The following MAX variants were observed in gnomAD, a reference collection of about 807,000 sequenced individuals.
The protein encoded by MAX is MYC associated transcriptional regulator X, also known as protein max.
In MAX, 3 loss-of-function variants were observed where a neutral mutation model predicts 22.3. That is an observed-to-expected ratio of 0.13 (90% CI 0.06 to 0.35). The LOEUF (loss-of-function observed/expected upper bound fraction) is 0.35. Among genes scored for constraint, MAX ranks in the 10% least tolerant of loss-of-function variants. The probability of loss-of-function intolerance (pLI) is 1.00; values close to 1 mark genes in which losing one functional copy is unlikely to be tolerated. For missense variants in MAX, 119 were observed against 209.4 expected (o/e 0.57, Z 2.66); for synonymous variants, 72 against 77.7 (o/e 0.93, Z 0.39).
At chr14:65,057,291 T>C (rs1291308647) in intron 3 of MAX, among the ~76,000 whole-genome samples, 2 of 152,192 alleles carry the variant, frequency 1.3e-5, no homozygotes, top group East Asian at 3.9e-4. Flanking sequence ...AGGCCAGATA[T>C]GGTGGTTCGC....
At chr14:65,019,133 A>G (rs540999465) in intron 3 of MAX, among the ~76,000 whole-genome samples, 1 of 152,238 alleles carries the variant, frequency 6.6e-6, no homozygotes, top group African/African-American at 2.4e-5. Context: ...AGATTGCACC[A>G]CTGCACTCCA....
chr14:65,048,527 A>T (rs2139659105), intron 3 of MAX, among the ~76,000 whole-genome samples: 1 of 152,310 alleles, frequency 6.6e-6, no homozygotes. Context: ...TGTGTAAATG[A>T]CAGTATTTGA....
At chr14:65,102,586 G>C, upstream of MAX, 1 of 1,420,844 alleles carries the variant, frequency 7.0e-7, no homozygotes, top group Non-Finnish European at 9.2e-7. Flanking sequence ...TCGCAGCGCT[G>C]GGGCAGCCGA....
chr14:65,043,691 G>A (rs564294146), intron 3 of MAX, among the ~76,000 whole-genome samples: 170 of 151,216 alleles, frequency 1.1e-3, no homozygotes, highest in African/African-American at 3.9e-3. Context: ...GCGCGGTGGC[G>A]GGCGCCTGTG....
chr14:65,096,492 C>T (rs1310028713), intron 2 of MAX, among the ~76,000 whole-genome samples: 6 of 152,140 alleles, frequency 3.9e-5, no homozygotes, highest in African/African-American at 1.4e-4. Context: ...GGAAACATTT[C>T]CAAACCACAG....
Position 65,077,623 on chromosome 14 carries a change from T to A in MAX, c.295+290A>T. 8.7e-7 allele frequency: 1 copy of A among 1,146,802 alleles called. No homozygotes were observed. Among genetic ancestry groups the A allele is most frequent in the Non-Finnish European group, 1.3e-6 (1 of 783,990 alleles). 71.0% of individuals were successfully genotyped at this position (1,146,802 alleles called of 1,614,324 possible). On this transcript the variant is annotated intron_variant, in intron 4 of 4. Coordinates refer to ENST00000358664, the MANE Select transcript of MAX (RefSeq NM_002382.5). This position sits in a 1 kb window ranked among gnomAD's most constrained non-coding sequence, Gnocchi z 6.3. Reference sequence around the variant, plus strand: ...TTCAGACACCTGATGCCAGGTGTGATCCCTACTGCAGGCAGAGCACCTGAG... The same window carrying A: ...TTCAGACACCTGATGCCAGGTGTGAACCCTACTGCAGGCAGAGCACCTGAG...
In MAX at chr14:65,075,302, GAA is replaced by G; in HGVS notation, c.*1172_*1173del. The G allele has an allele frequency of 9.4e-7, 1 of 1,062,108 alleles. No individual in the cohort carries two copies. The highest frequency in any genetic ancestry group is 1.6e-5 in the African/African-American group (1 of 60,912). The allele number at this position is 1,062,108 out of a possible 1,614,324, so 65.8% of individuals were successfully genotyped here. On this transcript the variant is annotated 3_prime_UTR_variant, in exon 5 of 5. Transcript: ENST00000358664. This position sits in a 1 kb window ranked among gnomAD's most constrained non-coding sequence, Gnocchi z 4.1. The stretch of plus-strand genomic sequence containing the variant: ...TCAGCAAATGCCAGGAACGGAGTAG[GAA>G]AAAGACAAAGAAATGAGGCCTAAAC...
intron 3 of MAX, among the ~76,000 whole-genome samples, chr14:65,067,540 T>A (rs936684445): frequency 2.0e-5 from 3 of 152,180 alleles, no homozygotes; most frequent in Non-Finnish European, 4.4e-5. Flanking sequence ...ACTTTGACAG[T>A]TTTGAAAAGT....
intron 3 of MAX, among the ~76,000 whole-genome samples, chr14:65,083,347 A>G (rs2063246049): frequency 6.6e-6 from 1 of 152,260 alleles, no homozygotes; most frequent in South Asian, 2.1e-4. Context: ...TGAAGTTGTT[A>G]GCACTGATGC....
At chr14:65,101,809 G>T in intron 1 of MAX, 1 of 583,280 alleles carries the variant, frequency 1.7e-6, no homozygotes, top group Non-Finnish European at 3.0e-6. Context: ...CTGGGCCAGA[G>T]GGGTCCCGAG....
At chr14:65,086,057 T>C (rs71420488) in intron 3 of MAX, among the ~76,000 whole-genome samples, 4,132 of 152,264 alleles carry the variant, frequency 0.027, 105 homozygotes, top group Non-Finnish European at 0.044. Flanking sequence ...GAGCTGATGG[T>C]TTTAAAAACA....
chr14:65,013,477 C>T (rs377712132), intron 3 of MAX, among the ~76,000 whole-genome samples: 52 of 152,272 alleles, frequency 3.4e-4, no homozygotes, highest in South Asian at 1.0e-3. Context: ...GACTCAAGTC[C>T]TCAATAGTTA....
intron 2 of MAX, among the ~76,000 whole-genome samples, chr14:65,098,743 T>G (rs2063739418): frequency 6.6e-6 from 1 of 152,236 alleles, no homozygotes. Context: ...GTTACTTCCT[T>G]TAACAAAGCT....
At chr14:65,049,038 A>T (rs2062549955) in intron 3 of MAX, among the ~76,000 whole-genome samples, 1 of 151,918 alleles carries the variant, frequency 6.6e-6, no homozygotes, top group Admixed American at 6.6e-5. Context: ...GAGGCAGGAG[A>T]ATCCCTTGAA....
At chr14:65,102,193 G>A in intron 1 of MAX, 111 bp downstream of exon 1, 3 of 1,556,806 alleles carry the variant, frequency 1.9e-6, no homozygotes, top group Non-Finnish European at 2.6e-6. Flanking sequence ...CGAGGGGAAG[G>A]GGAAGGAGGC....
At chr14:65,015,669 C>A in intron 3 of MAX, 1 of 1,614,190 alleles carries the variant, frequency 6.2e-7, no homozygotes, top group Non-Finnish European at 8.5e-7. Flanking sequence ...GGATCCTGCA[C>A]AGCTTGGAAC....
chr14:65,018,427 A>G (rs1017123666), intron 3 of MAX, among the ~76,000 whole-genome samples: 9 of 152,372 alleles, frequency 5.9e-5, no homozygotes, highest in African/African-American at 2.2e-4. Flanking sequence ...ATTTACATAC[A>G]TTAAAAATAT....
chr14:65,101,657 C>A (rs1014569666), intron 1 of MAX, 85 bp from the exon 2 acceptor site: 1 of 1,092,036 alleles, frequency 9.2e-7, no homozygotes, highest in Non-Finnish European at 1.4e-6. Flanking sequence ...AAAATGCCGG[C>A]GGCAGAGGAA....
chr14:65,024,010 G>A (rs2061934908), intron 3 of MAX, among the ~76,000 whole-genome samples: 1 of 151,954 alleles, frequency 6.6e-6, no homozygotes, highest in Non-Finnish European at 1.5e-5. Flanking sequence ...GCTGAGGGAG[G>A]AGAATCACTT....
Sources: allele counts gnomAD v4.1 joint callset (sites outside exome capture counted in the v4.1 genomes callset), GRCh38; gene constraint gnomAD v4.1.1; non-coding constraint Gnocchi (gnomAD v3.1); transcripts MANE v1.5; gene names NCBI Gene and HGNC (gene_info 2026-07-23, HGNC 2026-07-21).